Variants in CWH43 observed in about 807,000 individuals in gnomAD.
The protein encoded by CWH43 is PGAP2-interacting protein.
Under a neutral mutation model 85.7 loss-of-function variants are expected in CWH43, and 91 were observed. The ratio of observed to expected loss-of-function variants is 1.06; its 90% CI spans 0.90 to 1.26. CWH43 has a LOEUF of 1.26. CWH43 is among the 50% of genes most tolerant of loss of function. CWH43 has a pLI of 0.00. For missense variants in CWH43, 869 were observed against 839.2 expected, an observed-to-expected ratio of 1.04 and a Z score of -0.44; for synonymous variants, 323 against 293.6, an observed-to-expected ratio of 1.10 and a Z score of -1.02.
At chr4:49,009,484 T>A (rs1301745252) in intron 8 of CWH43, among the ~76,000 whole-genome samples, 1 of 152,192 alleles carries the variant, frequency 6.6e-6, no homozygotes, top group African/African-American at 2.4e-5. Context: ...TCCTGCCTGA[T>A]TGCCCTGGCC....
chr4:49,048,266 G>A (rs1323797360), intron 14 of CWH43, among the ~76,000 whole-genome samples: 1 of 150,876 alleles, frequency 6.6e-6, no homozygotes, highest in Non-Finnish European at 1.5e-5. Context: ...TAGGAGAATG[G>A]GATGGCAGAG....
At chr4:49,036,256 A>G (rs918388150) in intron 12 of CWH43, among the ~76,000 whole-genome samples, 1 of 152,212 alleles carries the variant, frequency 6.6e-6, no homozygotes, top group African/African-American at 2.4e-5. Context: ...AAGGAAGTCC[A>G]GGAGATGAAA....
At chr4:49,046,085 A>AT (rs1170345307) in intron 14 of CWH43, among the ~76,000 whole-genome samples, 4 of 151,638 alleles carry the variant, frequency 2.6e-5, no homozygotes, top group African/African-American at 9.7e-5. Context: ...TTATTTATTT[A>AT]TTATTATTAT....
chr4:49,040,569 G>C (rs893045070), intron 13 of CWH43, among the ~76,000 whole-genome samples: 43 of 151,498 alleles, frequency 2.8e-4, no homozygotes, highest in Admixed American at 1.7e-3. Context: ...TCATATCCTT[G>C]GCCCACTTTT....
chr4:49,032,639 G>A lies in CWH43; in HGVS notation c.1582G>A (p.Ala528Thr). 1 of 1,614,016 alleles carries A rather than the reference G, an allele frequency of 6.2e-7. No homozygotes were observed. Among genetic ancestry groups the A allele is most frequent in the Non-Finnish European group, 8.5e-7 (1 of 1,179,918 alleles). The change falls in exon 12 of 16, where the codon GCA becomes ACA. Residue 528 changes from alanine (A) to threonine (T), a missense_variant. Ala to Thr is a moderately conservative substitution (Grantham distance 58, BLOSUM62 0). Around this residue, in one of 3 missense-constraint regions of CWH43, gnomAD observed 577 missense variants for 513.1 expected, o/e 1.12. Transcript: ENST00000226432. The stretch of plus-strand genomic sequence containing the variant: ...TCTTCCGTCACCAGAGGGCGAGATC[G>A]CACCAGCCATCACATTGACCGTTAA... Reference protein sequence around the residue: ...HLLPSPEGEIAPAITLTVNIS... With the variant: ...HLLPSPEGEITPAITLTVNIS...
Position 48,992,281 on chromosome 4 carries a change from G to A in CWH43, c.511+191G>A, listed in dbSNP as rs1162384854. Among the ~76,000 whole-genome samples the A allele has an allele frequency of 6.6e-6, 1 of 152,198 alleles. No homozygotes were observed. Among genetic ancestry groups the A allele is most frequent in the African/African-American group, 2.4e-5 (1 of 41,464 alleles). On this transcript the variant is annotated intron_variant, in intron 4 of 15. Coordinates refer to ENST00000226432, the MANE Select transcript of CWH43 (RefSeq NM_025087.3). This position sits in a 1 kb window ranked among gnomAD's most constrained non-coding sequence, Gnocchi z 4.3. ...GCTAAGCAGGAGGCACATTTTCCTT[G>A]CCTGTACAGACAGAGGGTGAAAATA...
intron 13 of CWH43, among the ~76,000 whole-genome samples, chr4:49,042,967 C>T (rs544502328): frequency 5.0e-4 from 76 of 152,290 alleles, no homozygotes; most frequent in African/African-American, 1.8e-3. Flanking sequence ...CATCTGATGG[C>T]TTACTTATGG....
chr4:49,041,691 G>T (rs1018004833), intron 13 of CWH43, among the ~76,000 whole-genome samples: 4 of 152,182 alleles, frequency 2.6e-5, no homozygotes, highest in African/African-American at 9.7e-5. Context: ...GAATGGCACT[G>T]TGTGGTGTTT....
intron 10 of CWH43, among the ~76,000 whole-genome samples, chr4:49,030,302 C>T (rs1384433169): frequency 3.9e-5 from 6 of 152,160 alleles, no homozygotes; most frequent in African/African-American, 7.2e-5. Flanking sequence ...TAATGATAAG[C>T]GTGCCTCCTG....
At chr4:49,004,771 A>G (rs1783102688) in intron 7 of CWH43, among the ~76,000 whole-genome samples, 1 of 152,222 alleles carries the variant, frequency 6.6e-6, no homozygotes, top group South Asian at 2.1e-4. Flanking sequence ...TCATAGAACA[A>G]ATATATTTAC....
At chr4:49,003,237 G>C (rs988335983) in intron 6 of CWH43, among the ~76,000 whole-genome samples, 1 of 152,074 alleles carries the variant, frequency 6.6e-6, no homozygotes, top group African/African-American at 2.4e-5. Context: ...TCTTCTCTTG[G>C]GGCTGTGTGG....
intron 8 of CWH43, among the ~76,000 whole-genome samples, chr4:49,013,843 T>G (rs1235562493): frequency 6.6e-6 from 1 of 152,174 alleles, no homozygotes; most frequent in Non-Finnish European, 1.5e-5. Context: ...GCTGATGAAC[T>G]AAAATCTCAA....
intron 9 of CWH43, among the ~76,000 whole-genome samples, chr4:49,026,872 A>G (rs978983493): frequency 6.6e-6 from 1 of 152,238 alleles, no homozygotes; most frequent in African/African-American, 2.4e-5. Flanking sequence ...TCTTCTTAAC[A>G]TAATGCCTTC....
chr4:49,060,297 G>A (rs1029674534), intron 15 of CWH43, among the ~76,000 whole-genome samples: 3 of 152,142 alleles, frequency 2.0e-5, no homozygotes, highest in African/African-American at 7.2e-5. Context: ...CTGGAGCTGG[G>A]GTAGGCATAA....
At chr4:49,048,165 A>G (rs933810815) in intron 14 of CWH43, among the ~76,000 whole-genome samples, 1 of 152,164 alleles carries the variant, frequency 6.6e-6, no homozygotes, top group Admixed American at 6.5e-5. Context: ...AAGTTTTAAA[A>G]AATGTTGGGA....
Position 48,986,479 on chromosome 4 carries a change from C to T in CWH43, c.43+7C>T, listed in dbSNP as rs547848767. 1.4e-5 allele frequency: 21 copies of T among 1,553,562 alleles called. No homozygotes were observed. The African/African-American group carries it at 2.6e-4, about 19-fold the overall frequency. ...CTCTTGGAGTCGCTGCTGGGTAAGC[C>T]GAAGCCCCTCGCCGCGAGTTCGCGG... is the stretch of plus-strand genomic sequence containing the variant. On this transcript the variant is annotated splice_region_variant and intron_variant, in intron 1 of 15. Coordinates refer to ENST00000226432, the MANE Select transcript of CWH43 (RefSeq NM_025087.3).
chr4:49,017,165 C>A, intron 8 of CWH43, 84 bp from the exon 9 acceptor site: 1 of 1,136,566 alleles, frequency 8.8e-7, no homozygotes, highest in Non-Finnish European at 1.3e-6. Flanking sequence ...GGCACTGGAG[C>A]TGAGGCACTG....
intron 6 of CWH43, among the ~76,000 whole-genome samples, chr4:49,001,255 T>C (rs1206165942): frequency 6.6e-6 from 1 of 152,194 alleles, no homozygotes; most frequent in Non-Finnish European, 1.5e-5. Context: ...CATTGTACTA[T>C]AGTGTCCAGA....
At chr4:49,055,799 A>C (rs1359769711) in intron 15 of CWH43, among the ~76,000 whole-genome samples, 1 of 152,122 alleles carries the variant, frequency 6.6e-6, no homozygotes, top group East Asian at 1.9e-4. Flanking sequence ...CATGTTGGCC[A>C]GGCTGGTCTT....
Sources: allele counts gnomAD v4.1 joint callset (sites outside exome capture counted in the v4.1 genomes callset), GRCh38; gene constraint gnomAD v4.1.1; regional missense constraint gnomAD v4.1.1; non-coding constraint Gnocchi (gnomAD v3.1); transcripts MANE v1.5; gene names NCBI Gene and HGNC (gene_info 2026-07-23, HGNC 2026-07-21).